TTC7A: variants seen among roughly 807,000 people sequenced by gnomAD.
TTC7A encodes the protein tetratricopeptide repeat protein 7A.
TTC7A carries 110 observed loss-of-function variants against 103.7 expected under a neutral mutation model. The observed-to-expected ratio is 1.06, with a 90% CI of 0.91 to 1.24. The LOEUF (loss-of-function observed/expected upper bound fraction) is 1.24, where lower values mean the gene tolerates loss of function less well. TTC7A is among the 50% of genes most tolerant of loss of function. TTC7A has a pLI of 0.00. For missense variants in TTC7A, 1,340 were observed against 1,116.3 expected (o/e 1.20, Z -2.86); for synonymous variants, 521 against 467.9 (o/e 1.11, Z -1.47).
chr2:46,981,397 A>G (rs767753736), intron 5 of TTC7A, among the ~76,000 whole-genome samples: 5 of 151,990 alleles, frequency 3.3e-5, no homozygotes, highest in African/African-American at 7.2e-5. Flanking sequence ...GCTCAGAGCT[A>G]TGTGGGGCTG....
At chr2:47,013,969 G>T (rs995054299) in intron 11 of TTC7A, among the ~76,000 whole-genome samples, 5 of 152,174 alleles carry the variant, frequency 3.3e-5, no homozygotes, top group African/African-American at 1.2e-4. Flanking sequence ...TGATCTGGAA[G>T]CTTCACCCCC....
In TTC7A at chr2:46,935,635, C is replaced by T. The variant is rs574492306; in HGVS notation, c.83-14728C>T. Among the ~76,000 whole-genome samples the T allele has an allele frequency of 1.1e-3, 161 of 152,232 alleles. 1 individual carries two copies. The highest frequency in any genetic ancestry group is 6.8e-3 in the Middle Eastern group (2 of 294). ...TAGATAGCATTCAATTATTGAGGCC[C>T]GCAGTGATCCAACTGAGACCTCCTC... On this transcript the variant is annotated intron_variant, in intron 2 of 20. Coordinates refer to the TTC7A transcript ENST00000409245.
chr2:47,008,509 G>C (rs1417289701), intron 10 of TTC7A, among the ~76,000 whole-genome samples: 1 of 152,210 alleles, frequency 6.6e-6, no homozygotes, highest in Non-Finnish European at 1.5e-5. Context: ...GACCAGCAAG[G>C]TGGCCCCGGG....
At chr2:46,988,094 T>C (rs1675223832) in intron 5 of TTC7A, among the ~76,000 whole-genome samples, 1 of 152,174 alleles carries the variant, frequency 6.6e-6, no homozygotes, top group Non-Finnish European at 1.5e-5. Context: ...GTGCTCTGTG[T>C]CATGCTTTGG....
At position 47,029,235 on chromosome 2, in the gene TTC7A, C is replaced by T. The variant is rs758239902; in HGVS notation, c.1653C>T (p.Ala551=). 6 of 1,613,828 alleles carry T rather than the reference C, an allele frequency of 3.7e-6. No individual in the cohort carries two copies. Among genetic ancestry groups the T allele is most frequent in the African/African-American group, 2.7e-5 (2 of 75,050 alleles). ...QLALVRQISS[A]MEQLQEALKV... ...GGTTCCTTCAACAGATCTCCAGTGC[C>T]ATGGAGCAGCTGCAGGAGGCCCTGA... Residue 551 remains alanine (A), a synonymous_variant, in exon 15 of 20, where the codon GCC becomes GCT. Transcript: ENST00000319190.
intron 3 of TTC7A, among the ~76,000 whole-genome samples, chr2:46,963,821 A>G (rs1572741119): frequency 6.6e-6 from 1 of 152,232 alleles, no homozygotes; most frequent in East Asian, 1.9e-4. Context: ...ACAAACTCAG[A>G]AGGAGAGACT....
At chr2:47,035,934 C>A (rs1326691962) in intron 15 of TTC7A, among the ~76,000 whole-genome samples, 1 of 152,206 alleles carries the variant, frequency 6.6e-6, no homozygotes, top group African/African-American at 2.4e-5. Context: ...AAGGCAATTG[C>A]TTCTTTGTGT....
intron 11 of TTC7A, among the ~76,000 whole-genome samples, chr2:47,014,657 C>T (rs563409501): frequency 6.6e-6 from 1 of 152,338 alleles, no homozygotes; most frequent in African/African-American, 2.4e-5. Context: ...TCCCAAAAGG[C>T]GGCTCACACC....
At chr2:46,960,977 G>T (rs1672320028) in intron 3 of TTC7A, among the ~76,000 whole-genome samples, 1 of 152,342 alleles carries the variant, frequency 6.6e-6, no homozygotes, top group South Asian at 2.1e-4. Context: ...GGCTGTTTTT[G>T]GGTATTTGTG....
intron 1 of TTC7A, among the ~76,000 whole-genome samples, chr2:46,946,036 T>C (rs1670906916): frequency 6.6e-6 from 1 of 152,210 alleles, no homozygotes; most frequent in Admixed American, 6.5e-5. Context: ...ACATGGGGTC[T>C]TGAAGGGTAT....
At chr2:47,020,174 T>A (rs552256259) in intron 11 of TTC7A, among the ~76,000 whole-genome samples, 2 of 147,896 alleles carry the variant, frequency 1.4e-5, no homozygotes, top group African/African-American at 5.0e-5. Context: ...GGAGCGGGGG[T>A]CCCACCTGCC....
At chr2:46,924,755 T>G (rs1669297619) in intron 2 of TTC7A, among the ~76,000 whole-genome samples, 1 of 152,174 alleles carries the variant, frequency 6.6e-6, no homozygotes, top group South Asian at 2.1e-4. Context: ...GGCCCTGGAA[T>G]AGCTGGGACT....
At chr2:47,002,332 A>G (rs1676904671) in intron 8 of TTC7A, among the ~76,000 whole-genome samples, 2 of 152,378 alleles carry the variant, frequency 1.3e-5, no homozygotes, top group South Asian at 4.1e-4. Context: ...AGAGGAGAAC[A>G]TTCTGCCATT....
At chr2:47,053,298 C>G (rs941316718) in intron 18 of TTC7A, among the ~76,000 whole-genome samples, 1 of 152,190 alleles carries the variant, frequency 6.6e-6, no homozygotes, top group Non-Finnish European at 1.5e-5. Flanking sequence ...CCGTCGTCTT[C>G]TAAGATTCTA....
chr2:47,071,583 G>A (rs1362315390), intron 19 of TTC7A, among the ~76,000 whole-genome samples: 1 of 152,230 alleles, frequency 6.6e-6, no homozygotes, highest in Non-Finnish European at 1.5e-5. Flanking sequence ...GGAAACCACA[G>A]CTCAGAGAAA....
intron 3 of TTC7A, 68 bp from the exon 4 acceptor site, chr2:46,974,905 C>T: frequency 1.9e-6 from 3 of 1,584,388 alleles, no homozygotes; most frequent in Non-Finnish European, 1.7e-6. Flanking sequence ...CACCTTCGGC[C>T]CATGGGGAGG....
At chr2:46,995,035 G>C in intron 7 of TTC7A, 101 bp from the exon 8 acceptor site, 1 of 1,081,544 alleles carries the variant, frequency 9.2e-7, no homozygotes, top group Non-Finnish European at 1.4e-6. Context: ...TCACCTTACC[G>C]AGCTGGTGCT....
intron 5 of TTC7A, among the ~76,000 whole-genome samples, chr2:46,982,195 A>T (rs1674536185): frequency 6.6e-6 from 1 of 151,814 alleles, no homozygotes; most frequent in African/African-American, 2.4e-5. Context: ...CAACATAGGG[A>T]GACTTTGTCT....
chr2:46,988,475 G>T (rs1675278770), intron 5 of TTC7A, among the ~76,000 whole-genome samples: 1 of 152,260 alleles, frequency 6.6e-6, no homozygotes, highest in Non-Finnish European at 1.5e-5. Context: ...ACAGTTAGCA[G>T]TACTGGCCCT....
Sources: allele counts gnomAD v4.1 joint callset (sites outside exome capture counted in the v4.1 genomes callset), GRCh38; gene constraint gnomAD v4.1.1; transcripts MANE v1.5; gene names NCBI Gene and HGNC (gene_info 2026-07-23, HGNC 2026-07-21).